The following FGGY variants were observed in gnomAD, a reference collection of about 807,000 sequenced individuals.
The protein encoded by FGGY is FGGY carbohydrate kinase domain-containing protein.
In FGGY, 72 loss-of-function variants were observed where a neutral mutation model predicts 71.3. That is an observed-to-expected ratio of 1.01 (90% confidence interval 0.84 to 1.23). The LOEUF (loss-of-function observed/expected upper bound fraction) is 1.23, where lower values mean the gene tolerates loss of function less well. Ranked by LOEUF, FGGY falls within the 50% of genes most tolerant of loss-of-function variation. The pLI is 0.00. For synonymous variants in FGGY, 251 were observed against 250.3 expected, an observed-to-expected ratio of 1.00 and a Z score of -0.02; for missense variants, 668 against 682.3, an observed-to-expected ratio of 0.98 and a Z score of 0.23.
At chr1:59,482,174 T>C (rs969487759) in intron 6 of FGGY, among the ~76,000 whole-genome samples, 1 of 152,194 alleles carries the variant, frequency 6.6e-6, no homozygotes, top group Non-Finnish European at 1.5e-5. Flanking sequence ...AAGGGTTATA[T>C]ATCTCCAAAC....
chr1:59,512,917 A>T (rs1231887782), intron 7 of FGGY, among the ~76,000 whole-genome samples: 1 of 152,160 alleles, frequency 6.6e-6, no homozygotes, highest in Non-Finnish European at 1.5e-5. Flanking sequence ...TCATTTGTTC[A>T]TTCATAAAAC....
At chr1:59,684,173 G>A (rs976794208) in intron 14 of FGGY, among the ~76,000 whole-genome samples, 4 of 152,238 alleles carry the variant, frequency 2.6e-5, no homozygotes, top group African/African-American at 9.6e-5. Flanking sequence ...CCAGTCTACT[G>A]GTGGCGGGAG....
chr1:59,473,544 C>T (rs1485956742), intron 6 of FGGY, among the ~76,000 whole-genome samples: 3 of 152,156 alleles, frequency 2.0e-5, no homozygotes, highest in African/African-American at 7.2e-5. Flanking sequence ...AGAAACAGTG[C>T]AGGCACAGAC....
chr1:59,370,761 TAAAG>T (rs918916914), intron 4 of FGGY, among the ~76,000 whole-genome samples: 83 of 151,296 alleles, frequency 5.5e-4, no homozygotes, highest in Non-Finnish European at 4.7e-4. Flanking sequence ...TCAACATTCT[TAAAG>T]AAAAGAATTT....
intron 13 of FGGY, among the ~76,000 whole-genome samples, chr1:59,669,315 C>T (rs1238154285): frequency 6.6e-6 from 1 of 152,090 alleles, no homozygotes; most frequent in Non-Finnish European, 1.5e-5. Flanking sequence ...GACTTTTCTG[C>T]CAAGTTTGTA....
Position 59,629,482 on chromosome 1 carries a change from A to T in FGGY, c.1073+3433A>T, listed in dbSNP as rs376579263. On this transcript the variant is annotated intron_variant, in intron 10 of 15. Transcript: ENST00000303721. ...GCCATTGCAATTAGTCATTAATTAC[A>T]ATTACCATTGAGAGGGATTATGTCA... Among the ~76,000 whole-genome samples the T allele has an allele frequency of 2.2e-3, 328 of 152,316 alleles. 15 individuals carry two copies. In the South Asian group the frequency reaches 0.067, roughly 31 times the overall value.
At chr1:59,586,210 C>T (rs2096283225) in intron 8 of FGGY, among the ~76,000 whole-genome samples, 1 of 152,160 alleles carries the variant, frequency 6.6e-6, no homozygotes, top group South Asian at 2.1e-4. Context: ...CACATGCACA[C>T]ATATGTTTAT....
intron 14 of FGGY, among the ~76,000 whole-genome samples, chr1:59,727,653 T>C: frequency 6.6e-6 from 1 of 152,186 alleles, no homozygotes; most frequent in East Asian, 1.9e-4. Context: ...ATGCTATTCC[T>C]ATCAAACTAC....
intron 8 of FGGY, among the ~76,000 whole-genome samples, chr1:59,568,095 G>T (rs1316971016): frequency 6.6e-6 from 1 of 152,056 alleles, no homozygotes; most frequent in Non-Finnish European, 1.5e-5. Flanking sequence ...AGTGAAGTTT[G>T]GAGCAGCACC....
chr1:59,380,482 G>A (rs138835216), intron 5 of FGGY, among the ~76,000 whole-genome samples: 7,091 of 151,524 alleles, frequency 0.047, 282 homozygotes, highest in East Asian at 0.055. Context: ...TTTAAAGATC[G>A]CCATCCTAAC....
At chr1:59,499,725 A>G (rs889022709) in intron 6 of FGGY, among the ~76,000 whole-genome samples, 3 of 152,196 alleles carry the variant, frequency 2.0e-5, no homozygotes, top group South Asian at 2.1e-4. Context: ...AAAGAACCTA[A>G]CATCTTATTA....
chr1:59,662,512 A>G (rs2097286711), intron 12 of FGGY, among the ~76,000 whole-genome samples: 1 of 152,154 alleles, frequency 6.6e-6, no homozygotes, highest in Non-Finnish European at 1.5e-5. Flanking sequence ...TTGAACCCCC[A>G]GCATTCTAAA....
intron 1 of FGGY, among the ~76,000 whole-genome samples, chr1:59,300,267 T>G (rs965451699): frequency 7.2e-5 from 11 of 152,236 alleles, no homozygotes; most frequent in Non-Finnish European, 5.9e-5. Context: ...TGTGCCCTTT[T>G]TAATTCCTCT....
At chr1:59,636,518 G>T (rs2096961281) in intron 10 of FGGY, among the ~76,000 whole-genome samples, 1 of 152,174 alleles carries the variant, frequency 6.6e-6, no homozygotes. Context: ...AGCTACTCGG[G>T]AGGCTGAGGC....
intron 8 of FGGY, among the ~76,000 whole-genome samples, chr1:59,577,242 C>T (rs1571523754): frequency 6.6e-6 from 1 of 152,168 alleles, no homozygotes; most frequent in Non-Finnish European, 1.5e-5. Context: ...CCTAAAGATT[C>T]TGAACTTTAT....
intron 1 of FGGY, among the ~76,000 whole-genome samples, chr1:59,306,760 G>T (rs1469814058): frequency 6.6e-6 from 1 of 152,194 alleles, no homozygotes; most frequent in Non-Finnish European, 1.5e-5. Context: ...TGTAGTTGGG[G>T]AAGAATATAC....
intron 5 of FGGY, among the ~76,000 whole-genome samples, chr1:59,416,602 T>C (rs2064471918): frequency 6.6e-6 from 1 of 152,220 alleles, no homozygotes; most frequent in Non-Finnish European, 1.5e-5. Flanking sequence ...GATTTGACCA[T>C]GTCACCTTCA....
At chr1:59,723,004 AGCCAG>A (rs1307155063) in intron 14 of FGGY, among the ~76,000 whole-genome samples, 4 of 152,052 alleles carry the variant, frequency 2.6e-5, no homozygotes, top group Non-Finnish European at 5.9e-5. Context: ...TCACCATGTT[AGCCAG>A]GATGGTCTCA....
chr1:59,651,950 G>C (rs1391171886), intron 11 of FGGY, among the ~76,000 whole-genome samples: 1 of 151,334 alleles, frequency 6.6e-6, no homozygotes, highest in Non-Finnish European at 1.5e-5. Flanking sequence ...CAGGCCTGGT[G>C]GTGACAAAAT....
Sources: gnomAD v4.1 joint callset for allele counts (sites outside exome capture counted in the v4.1 genomes callset) on GRCh38, gnomAD v4.1.1 for gene constraint, MANE v1.5 for transcripts, NCBI Gene and HGNC (gene_info 2026-07-23, HGNC 2026-07-21) for gene names.